ZNF823: variants seen among roughly 807,000 people sequenced by gnomAD.
ZNF823 encodes the protein ZFP 36 for a zinc finger protein.
A neutral mutation model predicts 11.4 loss-of-function variants in ZNF823; 5 were observed. That is an observed-to-expected ratio of 0.44 (90% CI 0.23 to 0.92). The LOEUF (loss-of-function observed/expected upper bound fraction) is 0.92. Among genes scored for constraint, ZNF823 ranks in the 40% least tolerant of loss-of-function variants. The pLI is 0.24. For missense variants in ZNF823, 582 were observed against 738.5 expected (o/e 0.79, Z 2.46); for synonymous variants, 234 against 250.5 (o/e 0.93, Z 0.62).
chr19:11,733,365 C>CAAA (rs34650100), intron 1 of ZNF823, among the ~76,000 whole-genome samples: 6 of 95,414 alleles, frequency 6.3e-5, no homozygotes, highest in African/African-American at 1.1e-4. Flanking sequence ...GACTCCATCT[C>CAAA]AAAAAAAAAA....
rs570534771 is a variant in ZNF823 at position 11,733,541 on chromosome 19, A to T, written c.3+5276T>A. Among the ~76,000 whole-genome samples, 5 of 152,086 alleles carry T rather than the reference A, an allele frequency of 3.3e-5. No homozygotes were observed. The East Asian group carries it at 7.8e-4, about 24-fold the overall frequency. ...CATGGCGAAACTGTCTTTACAAAAA[A>T]TACAAAAATTGGCTGGGCGTGGTGG... On this transcript the variant is annotated intron_variant, in intron 1 of 3. Transcript: ENST00000341191.
chr19:11,735,167 C>G (rs962377979), intron 1 of ZNF823, among the ~76,000 whole-genome samples: 2 of 150,666 alleles, frequency 1.3e-5, no homozygotes, highest in African/African-American at 4.9e-5. Flanking sequence ...CCCAGCTACT[C>G]AGGAGGCTGA....
In ZNF823 at chr19:11,723,088, T is replaced by C; in HGVS notation, c.446A>G (p.His149Arg). The stretch of plus-strand genomic sequence containing the variant: ...GGGCCTTTCATGTGTCTGGAAGGAG[T>C]GCTGATGACTGATGGCTTTCCCACG... ...KQRGKAISHQHSFQTHERPPT... is the reference protein window; with the variant it reads ...KQRGKAISHQRSFQTHERPPT... The change falls in exon 4 of 4, where the codon CAC (histidine) becomes CGC (arginine). Residue 149 changes from histidine (H) to arginine (R), a missense_variant. His to Arg is a conservative substitution (Grantham distance 29). Around this residue, in one of 3 missense-constraint regions of ZNF823, gnomAD observed 429 missense variants for 553.7 expected, o/e 0.77. Coordinates refer to ENST00000341191, the MANE Select transcript of ZNF823 (RefSeq NM_001080493.4). 30 of 1,614,030 alleles carry C rather than the reference T, an allele frequency of 1.9e-5. No homozygotes were observed. Among genetic ancestry groups the C allele is most frequent in the Non-Finnish European group, 2.5e-5 (30 of 1,180,008 alleles).
chr19:11,738,435 G>T (rs1387105703), intron 1 of ZNF823, among the ~76,000 whole-genome samples: 1 of 152,198 alleles, frequency 6.6e-6, no homozygotes, highest in Non-Finnish European at 1.5e-5. Flanking sequence ...CGGATCTGGG[G>T]TGTCCTCCCC....
rs1974768406 is a variant in ZNF823, at chr19:11,725,198, T to G, written c.130+3A>C. ...CTAAGTGAAGAGATGATGTCATCCTTACCTATACAGTCCAGGTTCCTAATG... is the reference window on the plus strand; with the variant it reads ...CTAAGTGAAGAGATGATGTCATCCTGACCTATACAGTCCAGGTTCCTAATG... On this transcript the variant is annotated splice_donor_region_variant and intron_variant, in intron 2 of 3. Transcript: ENST00000341191. 10 of 1,612,856 alleles carry G rather than the reference T, an allele frequency of 6.2e-6. No homozygotes were observed. In the East Asian group the frequency reaches 2.2e-4, roughly 36 times the overall value.
At chr19:11,728,644 A>G (rs1365083526) in intron 1 of ZNF823, among the ~76,000 whole-genome samples, 1 of 152,224 alleles carries the variant, frequency 6.6e-6, no homozygotes, top group African/African-American at 2.4e-5. Context: ...ATTCACTAAT[A>G]AAATTTAAGA....
chr19:11,735,289 A>C (rs928323841), intron 1 of ZNF823, among the ~76,000 whole-genome samples: 1 of 149,186 alleles, frequency 6.7e-6, no homozygotes, highest in Non-Finnish European at 1.5e-5. Context: ...AACAAAAAAA[A>C]AAAAAAAAAA....
chr19:11,721,646 G>T lies in ZNF823; in HGVS notation c.*55C>A. 1.3e-6 allele frequency: 2 copies of T among 1,513,230 alleles called. No individual in the cohort carries two copies. The highest frequency in any genetic ancestry group is 1.8e-6 in the Non-Finnish European group (2 of 1,123,128). 93.7% of individuals were successfully genotyped at this position (1,513,230 alleles called of 1,614,324 possible). A position where few individuals can be genotyped will look rare whatever the true frequency, so the allele number is the denominator to read the frequency against. On this transcript the variant is annotated 3_prime_UTR_variant, in exon 4 of 4. Transcript: ENST00000341191. ...TTCATAGGGTCTATCTCCAAAGTGA[G>T]TTCTTTCAAGTTTCTGAAATTAAAG...
At chr19:11,725,391 A>G (rs1157833803) in intron 1 of ZNF823, 64 bp from the exon 2 acceptor site, 3 of 1,593,910 alleles carry the variant, frequency 1.9e-6, no homozygotes, top group Non-Finnish European at 2.6e-6. Context: ...ATCCATACTC[A>G]CTGCATAAAC....
chr19:11,721,966 C>T lies in ZNF823; in HGVS notation c.1568G>A (p.Gly523Glu), dbSNP rs1483186024. ...TTCCTTACATTCATATGGCTTCTCT[C>T]CAGAGTGAATCCTTTCATGGACTTT... is the stretch of plus-strand genomic sequence containing the variant. ...NLKVHERIHSGEKPYECKECG... is the reference protein window; with the variant it reads ...NLKVHERIHSEEKPYECKECG... The change falls in exon 4 of 4, where the codon GGA becomes GAA. Residue 523 changes from glycine (G) to glutamate (E), a missense_variant. Around this residue, in one of 3 missense-constraint regions of ZNF823, gnomAD observed 144 missense variants for 154.3 expected, o/e 0.93. Transcript: ENST00000341191. 8.7e-6 allele frequency: 14 copies of T among 1,614,140 alleles called. No homozygotes were observed. The highest frequency in any genetic ancestry group is 1.0e-5 in the Non-Finnish European group (12 of 1,180,020).
intron 1 of ZNF823, among the ~76,000 whole-genome samples, chr19:11,727,140 T>C (rs181581893): frequency 1.0e-3 from 155 of 152,290 alleles, no homozygotes; most frequent in Non-Finnish European, 1.4e-3. Flanking sequence ...ATTTCCTAAA[T>C]TCCTAAAGAG....
At chr19:11,737,848 G>T (rs1452257031) in intron 1 of ZNF823, among the ~76,000 whole-genome samples, 1 of 152,112 alleles carries the variant, frequency 6.6e-6, no homozygotes, top group Non-Finnish European at 1.5e-5. Flanking sequence ...AGGGGATAGG[G>T]TGGTGGATTT....
intron 1 of ZNF823, among the ~76,000 whole-genome samples, chr19:11,728,538 C>T (rs1347875846): frequency 6.6e-6 from 1 of 152,120 alleles, no homozygotes; most frequent in African/African-American, 2.4e-5. Context: ...GAATTTGGAA[C>T]AGTAAGTAAT....
Position 11,722,445 on chromosome 19 carries a change from C to T in ZNF823, c.1089G>A (p.Lys363=). The T allele has an allele frequency of 1.9e-6, 3 of 1,613,684 alleles. No homozygotes were observed. The South Asian group carries it at 3.3e-5, about 18-fold the overall frequency. ...THTGEKPYEC[K]QCGKVLSHSS... ...TATGAGATAACACTTTCCCACACTG[C>T]TTACATTCATAGGGTTTCTCTCCAG... The change falls in exon 4 of 4, where the codon AAG becomes AAA. Residue 363 remains lysine, a synonymous_variant. Transcript: ENST00000341191. The surrounding 1 kb of genome is among the most constrained non-coding windows in gnomAD (Gnocchi z 5.2).
chr19:11,723,621 C>T (rs1035564578), intron 3 of ZNF823, among the ~76,000 whole-genome samples: 1 of 152,228 alleles, frequency 6.6e-6, no homozygotes, highest in Non-Finnish European at 1.5e-5. Context: ...TCTCGGCTCA[C>T]TGCAACCTCT....
In ZNF823 at chr19:11,724,267, C is replaced by G. The variant is rs1599700928; in HGVS notation, c.131-13G>C. The stretch of plus-strand genomic sequence containing the variant: ...TCCCATTTCATTTCTAAAAGGTAGA[C>G]CCAGGAAAATCACTAAAAATGTTTA... On this transcript the variant is annotated splice_polypyrimidine_tract_variant and intron_variant, in intron 2 of 3. Transcript: ENST00000341191. 6.3e-7 allele frequency: 1 copy of G among 1,592,390 alleles called. No homozygotes were observed. Among genetic ancestry groups the G allele is most frequent in the Non-Finnish European group, 8.5e-7 (1 of 1,172,730 alleles).
Position 11,722,659 on chromosome 19 carries a change from C to G in ZNF823, c.875G>C (p.Arg292Pro), listed in dbSNP as rs968530924. 1 of 1,613,684 alleles carries G rather than the reference C, an allele frequency of 6.2e-7. No individual in the cohort carries two copies. The highest frequency in any genetic ancestry group is 8.5e-7 in the Non-Finnish European group (1 of 1,179,910). The change falls in exon 4 of 4, where the codon CGA (arginine) becomes CCA (proline). Residue 292 changes from arginine to proline, a missense_variant. Physicochemically the swap from Arg to Pro is moderately radical, Grantham distance 103. This residue lies in a region of ZNF823 where 429 missense variants were observed against 553.7 expected (regional missense o/e 0.77). Coordinates refer to ENST00000341191, the MANE Select transcript of ZNF823 (RefSeq NM_001080493.4). This position sits in a 1 kb window ranked among gnomAD's most constrained non-coding sequence, Gnocchi z 5.2. ...GKAFSCYYYT[R>P]LHERTHTGEQ... ...TCCCGTGTGAGTCCTTTCATGTAGT[C>G]GAGTGTAATAGTAACAGCTGAAGGC...
chr19:11,733,350 A>G (rs1177685106), intron 1 of ZNF823, among the ~76,000 whole-genome samples: 1 of 138,458 alleles, frequency 7.2e-6, no homozygotes, highest in African/African-American at 2.7e-5. Flanking sequence ...CTAGCGACAG[A>G]GTGAGACTCC....
Position 11,722,904 on chromosome 19 carries a change from G to A in ZNF823, c.630C>T (p.His210=), listed in dbSNP as rs117129463. ...AFVWPSLFHL[H]ERTHTGEKPY... is the part of the protein sequence containing the mutation. ...GTTTCTCTCCAGTGTGTGTTCTTTC[G>A]TGCAAATGAAATAAACTGGGCCAAA... is the stretch of plus-strand genomic sequence containing the variant. Residue 210 remains histidine (H), a synonymous_variant, in exon 4 of 4, where the codon CAC becomes CAT. Transcript: ENST00000341191. The surrounding 1 kb of genome is among the most constrained non-coding windows in gnomAD (Gnocchi z 5.2). 19,181 of 1,614,018 alleles carry A rather than the reference G, an allele frequency of 0.012. 518 individuals are homozygous for A. The highest frequency in any genetic ancestry group is 0.099 in the East Asian group (4,423 of 44,874).
Sources: gnomAD v4.1 joint callset for allele counts (sites outside exome capture counted in the v4.1 genomes callset) on GRCh38, gnomAD v4.1.1 for gene constraint, gnomAD v4.1.1 regional missense constraint, Gnocchi (gnomAD v3.1) non-coding constraint, MANE v1.5 for transcripts, NCBI Gene and HGNC (gene_info 2026-07-23, HGNC 2026-07-21) for gene names.